The following ATRX variants were observed in gnomAD, a reference collection of about 807,000 sequenced individuals.
ATRX encodes the protein chromatin remodeler ATRX.
ATRX carries 12 observed loss-of-function variants against 172.6 expected under a neutral mutation model. The observed-to-expected ratio is 0.07, with a 90% CI of 0.04 to 0.11. The LOEUF (loss-of-function observed/expected upper bound fraction) is 0.11, where lower values mean the gene tolerates loss of function less well. Ranked by LOEUF, ATRX falls within the 10% of genes least tolerant of loss-of-function variation. ATRX has a pLI of 1.00. For synonymous variants in ATRX, 674 were observed against 594.7 expected (o/e 1.13, Z -1.94); for missense variants, 1,368 against 1,767.4 (o/e 0.77, Z 4.05).
In ATRX at chrX:77,508,046, TA is replaced by T. The variant is rs1410215165; in HGVS notation, c.*304del. The stretch of plus-strand genomic sequence containing the variant: ...ATTTTATGGTTGCTAAAAGCAGGCA[TA>T]AAAATTTAGAGAGGAAATCTGTGGA... On this transcript the variant is annotated 3_prime_UTR_variant, in exon 35 of 35. Transcript: ENST00000373344. 35 of 222,099 alleles carry T rather than the reference TA, an allele frequency of 1.6e-4. No homozygotes were observed. Among genetic ancestry groups the T allele is most frequent in the African/African-American group, 8.9e-4 (31 of 34,930 alleles). 18.3% of individuals were successfully genotyped at this position (222,099 alleles called of 1,213,427 possible).
At chrX:77,758,744 C>A (rs980073263) in intron 1 of ATRX, among the ~76,000 whole-genome samples, 11 of 107,670 alleles carry the variant, frequency 1.0e-4, no homozygotes, top group Non-Finnish European at 1.7e-4. Context: ...GGTGACAGAG[C>A]GAGATTCCAT....
intron 1 of ATRX, among the ~76,000 whole-genome samples, chrX:77,738,534 GT>G (rs1271376925): frequency 4.7e-5 from 4 of 84,238 alleles, no homozygotes; most frequent in South Asian, 6.2e-4. Flanking sequence ...CTAACAATAT[GT>G]TTTTTTTGTT....
intron 14 of ATRX, among the ~76,000 whole-genome samples, chrX:77,653,473 T>C (rs192770702): frequency 1.9e-3 from 215 of 111,762 alleles, no homozygotes; most frequent in African/African-American, 6.9e-3. Flanking sequence ...ATGATTCAAC[T>C]TATATATATG....
In ATRX at chrX:77,548,377, GT is replaced by G. The variant is rs782222618; in HGVS notation, c.6699+9073del. Among the ~76,000 whole-genome samples, 15 of 111,048 alleles carry G rather than the reference GT, an allele frequency of 1.4e-4. No homozygotes were observed. The East Asian group carries it at 4.2e-3, about 31-fold the overall frequency. On this transcript the variant is annotated intron_variant, in intron 30 of 34. Transcript: ENST00000373344. ...AAAGATAGGAATAATATTCAAACTT[GT>G]TTTATTAAACAAAAAAATCCAAAAC... is the stretch of plus-strand genomic sequence containing the variant.
rs2147653190 is a variant in ATRX at position 77,508,624 on chromosome X, G to A, written c.7206C>T (p.Ile2402=). The change falls in exon 35 of 35, where the codon ATC becomes ATT. Residue 2402 remains isoleucine (I), a synonymous_variant. Coordinates refer to ENST00000373344, the MANE Select transcript of ATRX (RefSeq NM_000489.6). ...TCATAAGTATTCGCTGAACACAGCTGATTAACTATAGAGAAAAAATGGGAG... is the reference window on the plus strand; with the variant it reads ...TCATAAGTATTCGCTGAACACAGCTAATTAACTATAGAGAAAAAATGGGAG... ...NDVLTKQQML[I]SCVQRILMNR... The A allele has an allele frequency of 8.3e-7, 1 of 1,210,033 alleles. No homozygotes were observed.
intron 1 of ATRX, among the ~76,000 whole-genome samples, chrX:77,734,566 C>A (rs2074452756): frequency 9.0e-6 from 1 of 111,568 alleles, no homozygotes; most frequent in Non-Finnish European, 1.9e-5. Context: ...GCGGAAGGAT[C>A]ACCTGAGGTC....
At chrX:77,557,671 CA>C in intron 29 of ATRX, 26 bp from the exon 30 acceptor site, 2 of 1,152,698 alleles carry the variant, frequency 1.7e-6, no homozygotes, top group Non-Finnish European at 2.3e-6. Flanking sequence ...GAAGAATATA[CA>C]AAAAAATAAA....
intron 9 of ATRX, among the ~76,000 whole-genome samples, chrX:77,677,030 G>A (rs782670349): frequency 5.5e-5 from 6 of 109,578 alleles, no homozygotes; most frequent in East Asian, 5.7e-4. Flanking sequence ...GCTGAGGCAG[G>A]AGAATCACTT....
At chrX:77,765,038 G>A (rs782686334) in intron 1 of ATRX, among the ~76,000 whole-genome samples, 3 of 110,622 alleles carry the variant, frequency 2.7e-5, no homozygotes, top group Admixed American at 1.9e-4. Context: ...GTGGTGGTGG[G>A]TGCCTGTAAT....
At chrX:77,538,586 T>C (rs947687311) in intron 30 of ATRX, among the ~76,000 whole-genome samples, 1 of 111,490 alleles carries the variant, frequency 9.0e-6, no homozygotes. Flanking sequence ...TATATCTGTT[T>C]AAAAACAATG....
At chrX:77,732,510 C>A (rs2074340607) in intron 1 of ATRX, among the ~76,000 whole-genome samples, 1 of 111,970 alleles carries the variant, frequency 8.9e-6, no homozygotes, top group Admixed American at 9.5e-5. Context: ...GCCAATATCT[C>A]TGATAAATAT....
intron 1 of ATRX, among the ~76,000 whole-genome samples, chrX:77,722,891 C>CAT (rs2073847139): frequency 9.0e-6 from 1 of 111,542 alleles, no homozygotes; most frequent in African/African-American, 3.2e-5. Context: ...CACATGCACA[C>CAT]ATGTTTACTG....
intron 10 of ATRX, chrX:77,674,780 G>C (rs781802486): frequency 9.0e-6 from 1 of 111,324 alleles, no homozygotes; most frequent in East Asian, 2.8e-4. Flanking sequence ...TCTTAAAAAA[G>C]AGTAAAATTT....
rs1557140316 is a variant in ATRX at position 77,683,152 on chromosome X, T to C, written c.2104A>G (p.Asn702Asp). 1 of 1,210,600 alleles carries C rather than the reference T, an allele frequency of 8.3e-7. No homozygotes were observed. The highest frequency in any genetic ancestry group is 2.3e-4 in the Middle Eastern group (1 of 4,344). Residue 702 changes from asparagine (N) to aspartate (D), a missense_variant, in exon 9 of 35, where the codon AAT becomes GAT. Asn to Asp is a conservative substitution (Grantham distance 23). Coordinates refer to ENST00000373344, the MANE Select transcript of ATRX (RefSeq NM_000489.6). ...SVPVRKKDKR[N>D]SSDSAIDNPK... ...TTATCTATAGCACTGTCAGAAGAATTACGCTTATCCTTTTTTCTCACTGGA... is the reference window on the plus strand; with the variant it reads ...TTATCTATAGCACTGTCAGAAGAATCACGCTTATCCTTTTTTCTCACTGGA...
At chrX:77,745,063 T>C (rs2075010812) in intron 1 of ATRX, among the ~76,000 whole-genome samples, 1 of 106,711 alleles carries the variant, frequency 9.4e-6, no homozygotes, top group Non-Finnish European at 1.9e-5. Context: ...TCCCAGCTAC[T>C]TGGAAGACTG....
intron 1 of ATRX, among the ~76,000 whole-genome samples, chrX:77,765,813 G>C (rs1438247000): frequency 1.8e-5 from 2 of 108,970 alleles, no homozygotes; most frequent in African/African-American, 6.7e-5. Context: ...AAGGTCTCTG[G>C]TTTTCCTAGG....
At chrX:77,670,145 G>A (rs1009665248) in intron 10 of ATRX, among the ~76,000 whole-genome samples, 1 of 111,725 alleles carries the variant, frequency 9.0e-6, no homozygotes, top group Non-Finnish European at 1.9e-5. Flanking sequence ...AAAATTGCTG[G>A]AAAAAAATAT....
At chrX:77,677,588 G>C (rs1557134363) in intron 9 of ATRX, among the ~76,000 whole-genome samples, 1 of 110,698 alleles carries the variant, frequency 9.0e-6, no homozygotes, top group African/African-American at 3.3e-5. Flanking sequence ...TCAGTTTTCT[G>C]GTTTTGACAC....
At chrX:77,593,520 G>C (rs1433667593) in intron 26 of ATRX, among the ~76,000 whole-genome samples, 176 bp downstream of exon 26, 6 of 111,773 alleles carry the variant, frequency 5.4e-5, no homozygotes, top group African/African-American at 2.0e-4. Context: ...TATGCAATCA[G>C]AACTAGTGGC....
Sources: allele counts gnomAD v4.1 joint callset (sites outside exome capture counted in the v4.1 genomes callset), GRCh38; gene constraint gnomAD v4.1.1; transcripts MANE v1.5; gene names NCBI Gene and HGNC (gene_info 2026-07-23, HGNC 2026-07-21).